The following UBE2Z variants were observed in gnomAD, a reference collection of about 807,000 sequenced individuals.
The protein encoded by UBE2Z is ubiquitin conjugating enzyme E2 Z, also known as ubiquitin-conjugating enzyme E2 Z.
UBE2Z carries 10 observed loss-of-function variants against 32.6 expected under a neutral mutation model. The observed-to-expected ratio is 0.31, with a 90% confidence interval of 0.19 to 0.52. UBE2Z has a LOEUF of 0.52. UBE2Z is among the 20% of genes least tolerant of loss of function. The probability of loss-of-function intolerance (pLI) is 0.97; values close to 1 mark genes in which losing one functional copy is unlikely to be tolerated. For missense variants in UBE2Z, 343 were observed against 480.9 expected (o/e 0.71, Z 2.68); for synonymous variants, 183 against 190.8 (o/e 0.96, Z 0.34).
chr17:48,918,027 C>T (rs2040732612), intron 4 of UBE2Z, among the ~76,000 whole-genome samples: 1 of 152,174 alleles, frequency 6.6e-6, no homozygotes, highest in Admixed American at 6.5e-5. Flanking sequence ...ACTTCTGCCT[C>T]CCAGGTTCAA....
Position 48,912,958 on chromosome 17 carries a change from A to G in UBE2Z, c.515A>G (p.Asn172Ser). Residue 172 changes from asparagine to serine, a missense_variant, in exon 3 of 7, where the codon AAT (asparagine) becomes AGT (serine). Physicochemically the swap from Asn to Ser is conservative, Grantham distance 46 (BLOSUM62 1). This residue lies in a region of UBE2Z where 182 missense variants were observed against 312.4 expected (regional missense o/e 0.58). Coordinates refer to ENST00000360943, the MANE Select transcript of UBE2Z (RefSeq NM_023079.5). Reference sequence around the variant, plus strand: ...CGGGTCAAACTGATGACAACGGGCAATAACACAGTGAGGTTTAACCCCAAC... The same window carrying G: ...CGGGTCAAACTGATGACAACGGGCAGTAACACAGTGAGGTTTAACCCCAAC... ...PPRVKLMTTG[N>S]NTVRFNPNFY... 1 of 1,614,000 alleles carries G rather than the reference A, an allele frequency of 6.2e-7. No homozygotes were observed. The highest frequency in any genetic ancestry group is 1.3e-5 in the African/African-American group (1 of 75,034).
chr17:48,924,118 A>G (rs1414581760), intron 6 of UBE2Z, among the ~76,000 whole-genome samples: 2 of 152,092 alleles, frequency 1.3e-5, no homozygotes, highest in African/African-American at 4.8e-5. Context: ...CGGCCTCCCA[A>G]AGTGCTGGGA....
At chr17:48,916,657 G>GA (rs1196800653) in intron 4 of UBE2Z, among the ~76,000 whole-genome samples, 2 of 151,478 alleles carry the variant, frequency 1.3e-5, no homozygotes, top group African/African-American at 4.8e-5. Context: ...TTGGTATAGG[G>GA]AAAAAAAGGG....
intron 4 of UBE2Z, among the ~76,000 whole-genome samples, chr17:48,920,773 T>G (rs1166672666): frequency 6.6e-6 from 1 of 152,142 alleles, no homozygotes; most frequent in Non-Finnish European, 1.5e-5. Flanking sequence ...CAAGTGATCC[T>G]CACACCTTGG....
intron 4 of UBE2Z, among the ~76,000 whole-genome samples, chr17:48,919,969 G>A (rs1317704673): frequency 6.6e-6 from 1 of 151,564 alleles, no homozygotes; most frequent in South Asian, 2.1e-4. Context: ...TCCCCCTAAA[G>A]AGACAAGTGT....
chr17:48,915,406 A>G (rs982478783), intron 3 of UBE2Z, among the ~76,000 whole-genome samples: 1 of 152,174 alleles, frequency 6.6e-6, no homozygotes, highest in Non-Finnish European at 1.5e-5. Context: ...AATAAATGTC[A>G]TTAACATCCA....
At chr17:48,912,655 T>G in intron 2 of UBE2Z, 179 bp from the exon 3 acceptor site, 1 of 626,222 alleles carries the variant, frequency 1.6e-6, no homozygotes, top group South Asian at 2.3e-5. Flanking sequence ...TTCTTAAAAT[T>G]CCAAACCTAC....
chr17:48,913,175 A>T (rs533671876), intron 3 of UBE2Z, among the ~76,000 whole-genome samples, 154 bp downstream of exon 3: 1 of 152,264 alleles, frequency 6.6e-6, no homozygotes, highest in East Asian at 1.9e-4. Flanking sequence ...TGTGACTAGT[A>T]TCATTCTAGA....
At chr17:48,917,975 T>G (rs1440100833) in intron 4 of UBE2Z, among the ~76,000 whole-genome samples, 2 of 152,176 alleles carry the variant, frequency 1.3e-5, no homozygotes, top group Non-Finnish European at 2.9e-5. Flanking sequence ...TCACTATTGT[T>G]ACCCAGGCTG....
intron 2 of UBE2Z, 26 bp downstream of exon 2, chr17:48,910,906 G>T (rs1441491290): frequency 6.2e-7 from 1 of 1,600,316 alleles, no homozygotes; most frequent in Non-Finnish European, 8.6e-7. Flanking sequence ...GGGGTTTGGG[G>T]GGTTTTGGGA....
At chr17:48,909,672 A>G (rs1567776577) in intron 1 of UBE2Z, among the ~76,000 whole-genome samples, 2 of 151,658 alleles carry the variant, frequency 1.3e-5, no homozygotes, top group Non-Finnish European at 2.9e-5. Flanking sequence ...AGATCCTATC[A>G]TTTAGTAGAT....
chr17:48,909,548 A>G (rs1043067256), intron 1 of UBE2Z, among the ~76,000 whole-genome samples: 1 of 46,068 alleles, frequency 2.2e-5, no homozygotes, highest in East Asian at 7.9e-4. Context: ...CCCTCCCCCC[A>G]CCCCCCACCC....
chr17:48,925,971 T>G (rs1456545080), intron 6 of UBE2Z, among the ~76,000 whole-genome samples: 1 of 152,248 alleles, frequency 6.6e-6, no homozygotes, highest in Non-Finnish European at 1.5e-5. Context: ...CTTTGCTGCC[T>G]AAGTCCCTAT....
intron 4 of UBE2Z, 62 bp downstream of exon 4, chr17:48,916,249 G>GTTTTT: frequency 1.5e-6 from 1 of 660,278 alleles, no homozygotes; most frequent in South Asian, 3.7e-5. Flanking sequence ...TTGGTTGGTT[G>GTTTTT]GTTTTTTTGT....
rs2040814880 is a variant in UBE2Z at position 48,928,732 on chromosome 17, G to A, written c.*1598G>A. The A allele has an allele frequency of 6.6e-6, 1 of 152,670 alleles. No individual in the cohort carries two copies. The highest frequency in any genetic ancestry group is 2.4e-5 in the African/African-American group (1 of 41,456). The allele number at this position is 152,670 out of a possible 1,614,324, so 9.5% of individuals were successfully genotyped here. A position where few individuals can be genotyped will look rare whatever the true frequency, so the allele number is the denominator to read the frequency against. On this transcript the variant is annotated 3_prime_UTR_variant, in exon 7 of 7. Coordinates refer to ENST00000360943, the MANE Select transcript of UBE2Z (RefSeq NM_023079.5). ...AAGAGGCTGGGTCTCTTCACATGAA[G>A]ATCGAAAAGGGACCCTGCTTCCAAT...
chr17:48,918,736 T>C (rs1040714924), intron 4 of UBE2Z, among the ~76,000 whole-genome samples: 2 of 142,676 alleles, frequency 1.4e-5, no homozygotes, highest in African/African-American at 5.0e-5. Flanking sequence ...AGCTGATTTT[T>C]AGGTCTTGTC....
intron 2 of UBE2Z, chr17:48,912,514 C>CA (rs763993307): frequency 0.051 from 11,342 of 223,796 alleles, 5 homozygotes; most frequent in East Asian, 0.084. Flanking sequence ...GAGGTCTGCA[C>CA]AAAAAAAAAA....
chr17:48,911,984 G>A (rs193080908), intron 2 of UBE2Z: 11 of 152,056 alleles, frequency 7.2e-5, no homozygotes, highest in Non-Finnish European at 1.6e-4. Flanking sequence ...CTCCCTTCAG[G>A]GGGGGAAATC....
At chr17:48,923,057 C>A in intron 6 of UBE2Z, 120 bp downstream of exon 6, 1 of 898,508 alleles carries the variant, frequency 1.1e-6, no homozygotes, top group South Asian at 1.8e-5. Flanking sequence ...TTCAGTGGCT[C>A]ATGCCTGTAA....
Sources: allele counts gnomAD v4.1 joint callset (sites outside exome capture counted in the v4.1 genomes callset), GRCh38; gene constraint gnomAD v4.1.1; regional missense constraint gnomAD v4.1.1; transcripts MANE v1.5; gene names NCBI Gene and HGNC (gene_info 2026-07-23, HGNC 2026-07-21).